The following CTNNA3 variants were observed in gnomAD, a reference collection of about 807,000 sequenced individuals.
CTNNA3 encodes catenin alpha 3.
CTNNA3 carries 76 observed loss-of-function variants against 95.7 expected under a neutral mutation model. That is an observed-to-expected ratio of 0.79 (90% CI 0.66 to 0.96). The LOEUF (loss-of-function observed/expected upper bound fraction) is 0.96. CTNNA3 is among the 40% of genes least tolerant of loss of function. CTNNA3 has a pLI of 0.00. For missense variants in CTNNA3, 1,191 were observed against 1,089.8 expected (o/e 1.09, Z -1.31); for synonymous variants, 431 against 374.4 (o/e 1.15, Z -1.74).
intron 1 of CTNNA3, among the ~76,000 whole-genome samples, chr10:67,655,260 T>A (rs1839988809): frequency 6.6e-6 from 1 of 152,218 alleles, no homozygotes. Flanking sequence ...AAAAGTATCT[T>A]TGGGCTTCAT....
intron 10 of CTNNA3, among the ~76,000 whole-genome samples, chr10:66,561,712 A>C (rs1360948523): frequency 1.3e-5 from 2 of 152,060 alleles, no homozygotes; most frequent in Non-Finnish European, 2.9e-5. Context: ...TAAATAAGCA[A>C]AGGAAAATGC....
chr10:66,460,896 T>G (rs2093524768), intron 11 of CTNNA3, among the ~76,000 whole-genome samples: 1 of 152,220 alleles, frequency 6.6e-6, no homozygotes, highest in African/African-American at 2.4e-5. Flanking sequence ...AAGGCTTGTT[T>G]TAGACTACTG....
chr10:67,204,740 A>G (rs911448865), intron 6 of CTNNA3, among the ~76,000 whole-genome samples: 14 of 152,184 alleles, frequency 9.2e-5, no homozygotes, highest in African/African-American at 3.4e-4. Flanking sequence ...AAAGATTTTA[A>G]TAGACACAAG....
chr10:65,947,716 C>A (rs1670164), intron 17 of CTNNA3, among the ~76,000 whole-genome samples: 22,833 of 152,216 alleles, frequency 0.15, 2,129 homozygotes, highest in South Asian at 0.24. Flanking sequence ...TGTGTTGAGT[C>A]ACTGAGAATT....
At chr10:66,635,288 T>C (rs1845296279) in intron 9 of CTNNA3, among the ~76,000 whole-genome samples, 2 of 152,150 alleles carry the variant, frequency 1.3e-5, no homozygotes, top group Non-Finnish European at 2.9e-5. Context: ...TAAGTGTTGT[T>C]TCCTAAACTA....
chr10:67,471,972 A>C (rs530786949), intron 5 of CTNNA3, among the ~76,000 whole-genome samples: 2 of 152,346 alleles, frequency 1.3e-5, no homozygotes, highest in South Asian at 4.1e-4. Flanking sequence ...TGCTAAAGCA[A>C]AGTAGCAAAA....
At chr10:67,290,795 A>C (rs1255900287) in intron 5 of CTNNA3, among the ~76,000 whole-genome samples, 1 of 152,194 alleles carries the variant, frequency 6.6e-6, no homozygotes, top group South Asian at 2.1e-4. Flanking sequence ...ATGGCTAACA[A>C]TATCAATTAA....
chr10:66,100,205 G>A (rs1589399106), intron 14 of CTNNA3, among the ~76,000 whole-genome samples: 1 of 151,946 alleles, frequency 6.6e-6, no homozygotes, highest in South Asian at 2.1e-4. Flanking sequence ...GATCCTACTG[G>A]GGACCCTTTC....
At chr10:66,980,480 CA>C (rs879613825) in intron 7 of CTNNA3, among the ~76,000 whole-genome samples, 31 of 130,004 alleles carry the variant, frequency 2.4e-4, no homozygotes, top group Non-Finnish European at 3.9e-4. Context: ...CAGAATTGAA[CA>C]GGAACCAAAA....
chr10:66,171,847 T>C (rs766516853), intron 13 of CTNNA3, among the ~76,000 whole-genome samples: 9 of 152,144 alleles, frequency 5.9e-5, no homozygotes, highest in East Asian at 1.9e-4. Flanking sequence ...CATGAAATCA[T>C]GAGGGAACAA....
intron 11 of CTNNA3, among the ~76,000 whole-genome samples, chr10:66,520,245 CTTTTTTTTT>C (rs543882241): frequency 0.016 from 1,283 of 78,168 alleles, 29 homozygotes; most frequent in African/African-American, 0.064. Context: ...TAGTATTATT[CTTTTTTTTT>C]TTTTTTTTTT....
chr10:67,684,926 G>A (rs1382090652), intron 1 of CTNNA3, among the ~76,000 whole-genome samples: 1 of 152,212 alleles, frequency 6.6e-6, no homozygotes, highest in Non-Finnish European at 1.5e-5. Flanking sequence ...GCCTTTTCCT[G>A]TAAACGCTGG....
intron 15 of CTNNA3, among the ~76,000 whole-genome samples, chr10:66,052,697 G>T (rs894837884): frequency 1.3e-5 from 2 of 152,126 alleles, no homozygotes; most frequent in South Asian, 2.1e-4. Flanking sequence ...GACAAAAAAA[G>T]TCTGTGGTAG....
intron 13 of CTNNA3, among the ~76,000 whole-genome samples, chr10:66,234,215 A>ACACTT (rs2089740081): frequency 6.6e-6 from 1 of 152,098 alleles, no homozygotes; most frequent in African/African-American, 2.4e-5. Context: ...TTTTTATTTT[A>ACACTT]CACTTCTTTT....
intron 4 of CTNNA3, among the ~76,000 whole-genome samples, chr10:67,522,586 C>T (rs901617080): frequency 6.6e-6 from 1 of 151,874 alleles, no homozygotes. Context: ...CTCTATAACA[C>T]AGATGAGCTA....
intron 5 of CTNNA3, among the ~76,000 whole-genome samples, chr10:67,226,378 T>C (rs1380844679): frequency 1.3e-5 from 2 of 152,128 alleles, no homozygotes; most frequent in African/African-American, 2.4e-5. Context: ...AAAGAACACC[T>C]GGAAAATTCA....
chr10:67,178,810 A>C (rs1463666670), intron 7 of CTNNA3, among the ~76,000 whole-genome samples: 1 of 152,102 alleles, frequency 6.6e-6, no homozygotes, highest in African/African-American at 2.4e-5. Flanking sequence ...TTATCTTCTA[A>C]GTTTTTTATG....
At position 66,031,558 on chromosome 10, in the gene CTNNA3, T is replaced by C. The variant is rs148561604; in HGVS notation, c.2159+37750A>G. ...AAAATAGACACTGGAGCCTCCAAAG[T>C]TGGGGAGGGAGGGAGAGAGGGAGTA... On this transcript the variant is annotated intron_variant, in intron 15 of 17. Coordinates refer to ENST00000433211, the MANE Select transcript of CTNNA3 (RefSeq NM_013266.4). Among the ~76,000 whole-genome samples the C allele has an allele frequency of 5.1e-4, 77 of 151,828 alleles. 1 individual carries two copies. In the East Asian group the frequency reaches 0.014, roughly 28 times the overall value.
chr10:67,538,156 C>T (rs1488768925), intron 4 of CTNNA3, among the ~76,000 whole-genome samples: 2 of 23,146 alleles, frequency 8.6e-5, no homozygotes, highest in African/African-American at 2.8e-4. Flanking sequence ...GCTACTTAAA[C>T]TAAAAAAAAA....
Sources: allele counts gnomAD v4.1 joint callset (sites outside exome capture counted in the v4.1 genomes callset), GRCh38; gene constraint gnomAD v4.1.1; transcripts MANE v1.5; gene names NCBI Gene and HGNC (gene_info 2026-07-23, HGNC 2026-07-21).